ADARB2: variants seen among roughly 807,000 people sequenced by gnomAD.
ADARB2 encodes adenosine deaminase RNA specific B2 (inactive).
In ADARB2, 25 loss-of-function variants were observed where a neutral mutation model predicts 62.2. The ratio of observed to expected loss-of-function variants is 0.40; its 90% confidence interval spans 0.29 to 0.56. The LOEUF (loss-of-function observed/expected upper bound fraction) is 0.56, where lower values mean the gene tolerates loss of function less well. Ranked by LOEUF, ADARB2 falls within the 20% of genes least tolerant of loss-of-function variation. ADARB2 has a pLI of 0.43. For synonymous variants in ADARB2, 572 were observed against 500.8 expected, an observed-to-expected ratio of 1.14 and a Z score of -1.90; for missense variants, 1,071 against 1,077.4, an observed-to-expected ratio of 0.99 and a Z score of 0.08.
intron 4 of ADARB2, among the ~76,000 whole-genome samples, chr10:1,262,844 T>C (rs1467508903): frequency 6.6e-6 from 1 of 152,148 alleles, no homozygotes; most frequent in Non-Finnish European, 1.5e-5. Flanking sequence ...ATGTTTATTT[T>C]GGCACTATTC....
intron 4 of ADARB2, among the ~76,000 whole-genome samples, chr10:1,256,881 G>A (rs1831084345): frequency 6.6e-6 from 1 of 152,162 alleles, no homozygotes; most frequent in Non-Finnish European, 1.5e-5. Context: ...GGAAACACCT[G>A]GTATGATCGA....
intron 1 of ADARB2, among the ~76,000 whole-genome samples, chr10:1,472,540 A>T (rs1831338255): frequency 6.6e-6 from 1 of 152,054 alleles, no homozygotes; most frequent in Non-Finnish European, 1.5e-5. Context: ...GGGGACTTGG[A>T]GGTATGCTGG....
intron 1 of ADARB2, among the ~76,000 whole-genome samples, chr10:1,402,156 AAGC>A (rs1832669446): frequency 6.6e-6 from 1 of 152,156 alleles, no homozygotes; most frequent in African/African-American, 2.4e-5. Flanking sequence ...TTCCTAAGTG[AAGC>A]AGCAGACAGA....
chr10:1,432,646 A>G (rs1830788480), intron 1 of ADARB2, among the ~76,000 whole-genome samples: 1 of 151,772 alleles, frequency 6.6e-6, no homozygotes, highest in Non-Finnish European at 1.5e-5. Flanking sequence ...GTCTGGGAAC[A>G]TAACCTTGCT....
chr10:1,199,917 G>T (rs1310329035), intron 8 of ADARB2, 49 bp downstream of exon 8: 29 of 1,462,534 alleles, frequency 2.0e-5, no homozygotes, highest in Non-Finnish European at 2.5e-5. Flanking sequence ...CCTGTGTCTG[G>T]CCTGGTGGTG....
intron 1 of ADARB2, among the ~76,000 whole-genome samples, chr10:1,435,650 G>A (rs539589457): frequency 4.6e-5 from 7 of 151,180 alleles, no homozygotes; most frequent in African/African-American, 1.7e-4. Flanking sequence ...AGACTTCAGG[G>A]TTCACAGCAT....
At chr10:1,607,404 G>A (rs980925040) in intron 1 of ADARB2, among the ~76,000 whole-genome samples, 10 of 152,156 alleles carry the variant, frequency 6.6e-5, no homozygotes, top group South Asian at 2.1e-4. Flanking sequence ...TATAGTCCAC[G>A]CTCTGTGTCC....
intron 2 of ADARB2, among the ~76,000 whole-genome samples, chr10:1,369,839 C>T (rs1186395006): frequency 6.6e-6 from 1 of 152,184 alleles, no homozygotes; most frequent in African/African-American, 2.4e-5. Flanking sequence ...TACTTTGTCC[C>T]TGTCTTCTCT....
intron 1 of ADARB2, among the ~76,000 whole-genome samples, chr10:1,647,592 GTATA>G (rs2119067472): frequency 6.6e-6 from 1 of 152,104 alleles, no homozygotes; most frequent in African/African-American, 2.4e-5. Context: ...TATAGTGTGT[GTATA>G]TATGTCTGTG....
intron 1 of ADARB2, among the ~76,000 whole-genome samples, chr10:1,433,244 T>G (rs932220349): frequency 6.6e-6 from 1 of 152,058 alleles, no homozygotes; most frequent in Admixed American, 6.6e-5. Flanking sequence ...GCAGCTGGTG[T>G]GAAATGAGGG....
intron 1 of ADARB2, among the ~76,000 whole-genome samples, chr10:1,637,740 G>A (rs576590726): frequency 5.3e-5 from 8 of 152,010 alleles, no homozygotes; most frequent in East Asian, 1.9e-4. Context: ...TGTATTAATC[G>A]CTCGCAATAA....
At chr10:1,695,469 G>T (rs878918840) in intron 1 of ADARB2, among the ~76,000 whole-genome samples, 2 of 152,150 alleles carry the variant, frequency 1.3e-5, no homozygotes, top group South Asian at 4.1e-4. Context: ...CATTGATTCA[G>T]TCACTCATTT....
chr10:1,216,890 G>A lies in ADARB2; in HGVS notation c.1682+61C>T, dbSNP rs1428326571. Reference sequence around the variant, plus strand: ...ACCAGAAGTGGGATGCAGGGAGCCTGGGGCTTGGCACTCCCCACCGGCCGC... The same window carrying A: ...ACCAGAAGTGGGATGCAGGGAGCCTAGGGCTTGGCACTCCCCACCGGCCGC... On this transcript the variant is annotated intron_variant, in intron 7 of 9. Coordinates refer to ENST00000381312, the MANE Select transcript of ADARB2 (RefSeq NM_018702.4). The A allele has an allele frequency of 2.1e-5, 33 of 1,574,034 alleles. 1 individual carries two copies. The highest frequency in any genetic ancestry group is 1.1e-4 in the South Asian group (10 of 87,454).
At chr10:1,547,418 A>G (rs2813350) in intron 1 of ADARB2, among the ~76,000 whole-genome samples, 25,724 of 30,614 alleles carry the variant, frequency 0.84, 11,790 homozygotes, top group Non-Finnish European at 0.9. Context: ...CGTATGCACT[A>G]TGGGGAGGGG....
At chr10:1,229,666 A>G (rs951875538) in intron 6 of ADARB2, among the ~76,000 whole-genome samples, 10 of 144,522 alleles carry the variant, frequency 6.9e-5, no homozygotes, top group Admixed American at 2.0e-4. Flanking sequence ...GTGTGTGCAC[A>G]TATGCTTATG....
intron 1 of ADARB2, among the ~76,000 whole-genome samples, chr10:1,531,259 G>A (rs1397943068): frequency 6.6e-6 from 1 of 152,196 alleles, no homozygotes; most frequent in Non-Finnish European, 1.5e-5. Context: ...TGGGAGTGCA[G>A]GATCATTTCA....
chr10:1,516,783 G>A (rs1201322140), intron 1 of ADARB2, among the ~76,000 whole-genome samples: 10 of 152,356 alleles, frequency 6.6e-5, no homozygotes, highest in Non-Finnish European at 2.9e-5. Flanking sequence ...AGGATAATCG[G>A]TAAAGTGACA....
Position 1,643,418 on chromosome 10 carries a change from A to C in ADARB2, c.100+93633T>G, listed in dbSNP as rs373876794. On this transcript the variant is annotated intron_variant, in intron 1 of 9. Transcript: ENST00000381312. ...CTTCCAGTTACACTTGACGTGTTAC[A>C]TTTTCCCAGACTGGAGGGCTAGAGG... is the stretch of plus-strand genomic sequence containing the variant. Among the ~76,000 whole-genome samples, 4 of 152,160 alleles carry C rather than the reference A, an allele frequency of 2.6e-5. No individual in the cohort carries two copies. The East Asian group carries it at 7.7e-4, about 29-fold the overall frequency.
At chr10:1,444,793 C>CCACT (rs1175494327) in intron 1 of ADARB2, among the ~76,000 whole-genome samples, 3 of 149,850 alleles carry the variant, frequency 2.0e-5, no homozygotes, top group Non-Finnish European at 4.4e-5. Context: ...ATCCATCCAC[C>CCACT]CACTCATTCA....
Sources: allele counts gnomAD v4.1 joint callset (sites outside exome capture counted in the v4.1 genomes callset), GRCh38; gene constraint gnomAD v4.1.1; transcripts MANE v1.5; gene names NCBI Gene and HGNC (gene_info 2026-07-23, HGNC 2026-07-21).